LRP8: variants seen among roughly 807,000 people sequenced by gnomAD.
LRP8 encodes LDL receptor related protein 8.
LRP8 carries 46 observed loss-of-function variants against 111.6 expected under a neutral mutation model. That is an observed-to-expected ratio of 0.41 (90% confidence interval 0.33 to 0.53). The LOEUF (loss-of-function observed/expected upper bound fraction) is 0.53, where lower values mean the gene tolerates loss of function less well. LRP8 is among the 20% of genes least tolerant of loss of function. The pLI, the probability that LRP8 is intolerant of heterozygous loss-of-function variation, is 0.20. For synonymous variants in LRP8, 464 were observed against 511.2 expected (o/e 0.91, Z 1.24); for missense variants, 959 against 1,297.4 (o/e 0.74, Z 4.01).
chr1:53,273,765 A>G (rs1269574802), intron 6 of LRP8, among the ~76,000 whole-genome samples: 1 of 152,122 alleles, frequency 6.6e-6, no homozygotes, highest in Non-Finnish European at 1.5e-5. Flanking sequence ...TCCTTTCACA[A>G]TCAGTTTTTT....
In LRP8 at chr1:53,280,726, A is replaced by G; in HGVS notation, c.368-11T>C. The G allele has an allele frequency of 6.2e-7, 1 of 1,610,294 alleles. No homozygotes were observed. The highest frequency in any genetic ancestry group is 8.5e-7 in the Non-Finnish European group (1 of 1,179,866). On this transcript the variant is annotated splice_polypyrimidine_tract_variant and intron_variant, in intron 3 of 18. Coordinates refer to ENST00000306052, the MANE Select transcript of LRP8 (RefSeq NM_004631.5). ...GACACACCTGCTTGGCTGTGGAGAC[A>G]GACGTCCATGCATAGCTTAGCCAAG... is the stretch of plus-strand genomic sequence containing the variant.
intron 13 of LRP8, 137 bp downstream of exon 13, chr1:53,260,327 C>T: frequency 1.3e-6 from 1 of 764,218 alleles, no homozygotes; most frequent in Non-Finnish European, 2.2e-6. Context: ...AAGTACTCTA[C>T]CAACAAGAGG....
chr1:53,321,553 C>T (rs558214901), intron 2 of LRP8, among the ~76,000 whole-genome samples: 3 of 152,262 alleles, frequency 2.0e-5, no homozygotes, highest in South Asian at 2.1e-4. Flanking sequence ...CTCCTCACTG[C>T]CCCCTGGGGG....
chr1:53,327,946 G>C lies in LRP8; in HGVS notation c.-34C>G. 2 of 1,118,574 alleles carry C rather than the reference G, an allele frequency of 1.8e-6. No homozygotes were observed. The highest frequency in any genetic ancestry group is 2.2e-6 in the Non-Finnish European group (2 of 918,030). The allele number at this position is 1,118,574 out of a possible 1,614,324, so 69.3% of individuals were successfully genotyped here. On this transcript the variant is annotated 5_prime_UTR_variant, in exon 1 of 19. Transcript: ENST00000306052. Reference sequence around the variant, plus strand: ...CGGGGCTCCGGCCGCCGCGCCCCGCGCTCCCCGCGCCGCCGCCGCCGCGTC... The same window carrying C: ...CGGGGCTCCGGCCGCCGCGCCCCGCCCTCCCCGCGCCGCCGCCGCCGCGTC...
In LRP8 at chr1:53,249,457, A is replaced by T; in HGVS notation, c.2776T>A (p.Leu926Met). ...PAPALKELFV[L>M]PGEPRSQLHQ... ...AGCTGTGACCTTGGTTCCCCCGGCAAGACAAAAAGCTCCTTGAGGGCAGGG... is the reference window on the plus strand; with the variant it reads ...AGCTGTGACCTTGGTTCCCCCGGCATGACAAAAAGCTCCTTGAGGGCAGGG... Residue 926 changes from leucine (L) to methionine (M), a missense_variant, in exon 18 of 19, where the codon TTG becomes ATG. Physicochemically the swap from Leu to Met is conservative, Grantham distance 15. Around this residue, in one of 3 missense-constraint regions of LRP8, gnomAD observed 819 missense variants for 1,097.6 expected, o/e 0.75. Coordinates refer to ENST00000306052, the MANE Select transcript of LRP8 (RefSeq NM_004631.5). The surrounding 1 kb of genome is among the most constrained non-coding windows in gnomAD (Gnocchi z 4.1). The T allele has an allele frequency of 6.2e-7, 1 of 1,614,188 alleles. No individual in the cohort carries two copies. Among genetic ancestry groups the T allele is most frequent in the Non-Finnish European group, 8.5e-7 (1 of 1,180,036 alleles).
At position 53,246,370 on chromosome 1, in the gene LRP8, TCTC is replaced by T. The variant is rs1380713254; in HGVS notation, c.*645_*647del. 6.6e-6 allele frequency: 1 copy of T among 152,210 alleles called. No homozygotes were observed. Among genetic ancestry groups the T allele is most frequent in the Non-Finnish European group, 1.5e-5 (1 of 68,068 alleles). The allele number at this position is 152,210 out of a possible 1,614,324, so 9.4% of individuals were successfully genotyped here. A position where few individuals can be genotyped will look rare whatever the true frequency, so the allele number is the denominator to read the frequency against. On this transcript the variant is annotated 3_prime_UTR_variant, in exon 19 of 19. Transcript: ENST00000306052. ...GAACAGTAGCCATAGATGTGCCTCT[TCTC>T]TACAGATTTTTCTGTCACACACATA...
rs1646388232 is a variant in LRP8 at position 53,262,639 on chromosome 1, T to C, written c.1656-75A>G. On this transcript the variant is annotated intron_variant, in intron 10 of 18. Coordinates refer to ENST00000306052, the MANE Select transcript of LRP8 (RefSeq NM_004631.5). The surrounding 1 kb of genome is among the most constrained non-coding windows in gnomAD (Gnocchi z 4.8). The stretch of plus-strand genomic sequence containing the variant: ...GGTGGTCTGAGTCACAAGAGCTCAA[T>C]AACCCATTGACTAGTTGTGGTTTAT... 2 of 1,113,426 alleles carry C rather than the reference T, an allele frequency of 1.8e-6. No homozygotes were observed. The highest frequency in any genetic ancestry group is 2.7e-6 in the Non-Finnish European group (2 of 729,956). 69.0% of individuals were successfully genotyped at this position (1,113,426 alleles called of 1,614,324 possible).
rs565101909 is a variant in LRP8 at position 53,262,384 on chromosome 1, C to A, written c.1774+62G>T. ...ACCCAGAAACAAGACTCATGGAGTT[C>A]CAGACAGTGATCAGGACAAGGCACT... On this transcript the variant is annotated intron_variant, in intron 11 of 18. Transcript: ENST00000306052. This position sits in a 1 kb window ranked among gnomAD's most constrained non-coding sequence, Gnocchi z 4.8. 38 of 1,552,616 alleles carry A rather than the reference C, an allele frequency of 2.4e-5. No homozygotes were observed. In the African/African-American group the frequency reaches 4.5e-4, roughly 18 times the overall value.
rs754068385 is a variant in LRP8 at position 53,258,297 on chromosome 1, C to A, written c.2209+22G>T. ...AGGGTCTGACACTGCCAGGGGCCAT[C>A]CCTCCTGGAAGGTCTGCTTACCTCG... On this transcript the variant is annotated intron_variant, in intron 14 of 18. Transcript: ENST00000306052. The A allele has an allele frequency of 4.4e-6, 7 of 1,607,698 alleles. No homozygotes were observed. The East Asian group carries it at 1.3e-4, about 31-fold the overall frequency.
At chr1:53,322,209 G>A (rs1372583634) in intron 2 of LRP8, among the ~76,000 whole-genome samples, 2 of 151,948 alleles carry the variant, frequency 1.3e-5, no homozygotes, top group African/African-American at 4.8e-5. Context: ...CGAAAAGGAG[G>A]GCCTAGTATC....
chr1:53,275,716 C>T lies in LRP8; in HGVS notation c.921G>A (p.Gly307=), dbSNP rs752548166. 6.2e-7 allele frequency: 1 copy of T among 1,614,088 alleles called. No individual in the cohort carries two copies. The highest frequency in any genetic ancestry group is 1.1e-5 in the South Asian group (1 of 91,082). ...TGATTGCAAGGACACATGTCCCATC[C>T]CCACACTGGAACTCGTCCCCACGGC... ...GTCRGDEFQC[G]DGTCVLAIKH... Residue 307 remains glycine, a synonymous_variant, in exon 6 of 19, where the codon GGG becomes GGA. Transcript: ENST00000306052. This position sits in a 1 kb window ranked among gnomAD's most constrained non-coding sequence, Gnocchi z 4.4.
intron 1 of LRP8, chr1:53,327,514 A>G: frequency 2.8e-6 from 1 of 354,912 alleles, no homozygotes; most frequent in Non-Finnish European, 5.0e-6. Flanking sequence ...CGGAACCATG[A>G]ATGGCCGCCC....
chr1:53,282,524 G>A (rs529241367), intron 3 of LRP8, among the ~76,000 whole-genome samples: 38 of 152,238 alleles, frequency 2.5e-4, no homozygotes, highest in African/African-American at 8.9e-4. Context: ...AACACTGCAG[G>A]ACCCCAGGTA....
chr1:53,258,584 T>C lies in LRP8; in HGVS notation c.2057-113A>G, dbSNP rs564540323. On this transcript the variant is annotated intron_variant, in intron 13 of 18. Transcript: ENST00000306052. ...TTGCTCAAAAAGCTTGCCCTATACT[T>C]TTTTTTTCACATTTTTTTTCTTTTT... 272 of 949,910 alleles carry C rather than the reference T, an allele frequency of 2.9e-4. 3 individuals carry two copies. In the South Asian group the frequency reaches 4.7e-3, roughly 16 times the overall value. 58.8% of individuals were successfully genotyped at this position (949,910 alleles called of 1,614,324 possible).
At chr1:53,281,756 T>C (rs775986339) in intron 3 of LRP8, among the ~76,000 whole-genome samples, 2 of 152,172 alleles carry the variant, frequency 1.3e-5, no homozygotes, top group African/African-American at 2.4e-5. Context: ...CTATCTCTCA[T>C]AGGATTGTTA....
At chr1:53,282,960 G>A (rs556421519) in intron 3 of LRP8, among the ~76,000 whole-genome samples, 2 of 152,230 alleles carry the variant, frequency 1.3e-5, no homozygotes, top group South Asian at 4.2e-4. Context: ...GAGGGGGAGG[G>A]GAGTCCCAGT....
Position 53,250,905 on chromosome 1 carries a change from A to T in LRP8, c.2504-43T>A. 1 of 1,568,592 alleles carries T rather than the reference A, an allele frequency of 6.4e-7. No individual in the cohort carries two copies. Among genetic ancestry groups the T allele is most frequent in the South Asian group, 1.1e-5 (1 of 90,060 alleles). The stretch of plus-strand genomic sequence containing the variant: ...GACACTGGACCTCCAGCAGGCTCCA[A>T]CCCACTGCTCAGACATCTGTACAAG... On this transcript the variant is annotated intron_variant, in intron 16 of 18. Coordinates refer to ENST00000306052, the MANE Select transcript of LRP8 (RefSeq NM_004631.5). This position sits in a 1 kb window ranked among gnomAD's most constrained non-coding sequence, Gnocchi z 4.6.
Position 53,312,391 on chromosome 1 carries a change from G to C in LRP8, c.244+14482C>G, listed in dbSNP as rs112187604. 2.4e-3 allele frequency among the ~76,000 whole-genome samples: 370 copies of C among 152,302 alleles called. 5 individuals are homozygous for C. Among genetic ancestry groups the C allele is most frequent in the African/African-American group, 8.3e-3 (343 of 41,554 alleles). ...TTTGGCAGGCAGGGGTTGAGACAGG[G>C]TCTGGCTTCCTTACCCAGGCCAGAG... is the stretch of plus-strand genomic sequence containing the variant. On this transcript the variant is annotated intron_variant, in intron 2 of 18. Coordinates refer to ENST00000306052, the MANE Select transcript of LRP8 (RefSeq NM_004631.5).
At chr1:53,258,554 C>A in intron 13 of LRP8, 83 bp from the exon 14 acceptor site, 1 of 1,315,378 alleles carries the variant, frequency 7.6e-7, no homozygotes, top group South Asian at 1.4e-5. Context: ...CTTCTCCCAC[C>A]TGGCTTGCTC....
Sources: allele counts gnomAD v4.1 joint callset (sites outside exome capture counted in the v4.1 genomes callset), GRCh38; gene constraint gnomAD v4.1.1; regional missense constraint gnomAD v4.1.1; non-coding constraint Gnocchi (gnomAD v3.1); transcripts MANE v1.5; gene names NCBI Gene and HGNC (gene_info 2026-07-23, HGNC 2026-07-21).